Variants in CBX5 observed in about 807,000 individuals in gnomAD.
CBX5 encodes chromobox 5, also known as chromobox protein homolog 5.
A neutral mutation model predicts 20.7 loss-of-function variants in CBX5; 7 were observed. The ratio of observed to expected loss-of-function variants is 0.34; its 90% CI spans 0.19 to 0.63. CBX5 has a LOEUF of 0.63. CBX5 is among the 30% of genes least tolerant of loss of function. CBX5 has a pLI of 0.75. For missense variants in CBX5, 110 were observed against 224.1 expected (o/e 0.49, Z 3.25); for synonymous variants, 78 against 77.0 (o/e 1.01, Z -0.07).
intron 3 of CBX5, among the ~76,000 whole-genome samples, chr12:54,249,918 G>A (rs1363209938): frequency 6.6e-6 from 1 of 152,160 alleles, no homozygotes; most frequent in Non-Finnish European, 1.5e-5. Flanking sequence ...CCACTGAACT[G>A]TACATTTTAA....
intron 1 of CBX5, among the ~76,000 whole-genome samples, chr12:54,260,312 G>A (rs1268400577): frequency 6.6e-6 from 1 of 152,040 alleles, no homozygotes; most frequent in African/African-American, 2.4e-5. Context: ...CCAACGTGGT[G>A]AAACCCCGTC....
At chr12:54,267,191 T>G (rs1043505846) in intron 1 of CBX5, among the ~76,000 whole-genome samples, 1 of 152,234 alleles carries the variant, frequency 6.6e-6, no homozygotes, top group African/African-American at 2.4e-5. Flanking sequence ...TCATCATAAG[T>G]AAATCTTGAG....
intron 1 of CBX5, chr12:54,274,130 T>C (rs1292516187): frequency 6.6e-6 from 1 of 152,218 alleles, no homozygotes; most frequent in African/African-American, 2.4e-5. Flanking sequence ...TGCTAGTTGG[T>C]AGAGCTCCTG....
intron 2 of CBX5, among the ~76,000 whole-genome samples, chr12:54,253,349 C>T (rs955708253): frequency 2.0e-5 from 3 of 151,894 alleles, no homozygotes; most frequent in Non-Finnish European, 4.4e-5. Flanking sequence ...TGGGAGGCTG[C>T]GGTTGTAGTG....
chr12:54,242,732 A>G (rs576506716), intron 4 of CBX5, among the ~76,000 whole-genome samples: 20 of 152,080 alleles, frequency 1.3e-4, no homozygotes, highest in Non-Finnish European at 2.5e-4. Context: ...ACAAATTTCA[A>G]TTATCTCAGT....
chr12:54,251,940 C>A, intron 3 of CBX5, 101 bp downstream of exon 3: 1 of 1,015,648 alleles, frequency 9.8e-7, no homozygotes, highest in Non-Finnish European at 1.4e-6. Context: ...CTTATAGGTC[C>A]ATCCTTACAA....
intron 1 of CBX5, among the ~76,000 whole-genome samples, chr12:54,260,859 G>T (rs1174297561): frequency 1.3e-5 from 2 of 152,110 alleles, no homozygotes; most frequent in African/African-American, 4.8e-5. Context: ...AGAAGTGGCT[G>T]CCATAGGAGA....
chr12:54,248,540 G>A (rs1389261185), intron 3 of CBX5, among the ~76,000 whole-genome samples: 1 of 152,196 alleles, frequency 6.6e-6, no homozygotes, highest in Non-Finnish European at 1.5e-5. Context: ...GTGGATCAAT[G>A]AGAGATACTG....
intron 2 of CBX5, among the ~76,000 whole-genome samples, chr12:54,253,496 T>G (rs1943830192): frequency 6.6e-6 from 1 of 151,868 alleles, no homozygotes; most frequent in Admixed American, 6.6e-5. Context: ...GAGGCTAAGG[T>G]GAGCAGATCA....
chr12:54,274,625 G>C (rs1214647550), intron 1 of CBX5, among the ~76,000 whole-genome samples: 2 of 152,098 alleles, frequency 1.3e-5, no homozygotes, highest in South Asian at 4.1e-4. Flanking sequence ...ATAAGATATG[G>C]AAATCATGCT....
chr12:54,253,786 G>A (rs1411443085), intron 2 of CBX5, among the ~76,000 whole-genome samples: 1 of 147,322 alleles, frequency 6.8e-6, no homozygotes, highest in Non-Finnish European at 1.5e-5. Flanking sequence ...TTTTTGAGAT[G>A]GAGTCTCACT....
Position 54,240,979 on chromosome 12 carries a change from A to G in CBX5, c.*776T>C, listed in dbSNP as rs970494276. The stretch of plus-strand genomic sequence containing the variant: ...CTACCCCATCATCCTCATGTACTAT[A>G]GCTACAAATCTGCACAGTTAATAAT... On this transcript the variant is annotated 3_prime_UTR_variant, in exon 5 of 5. Coordinates refer to ENST00000209875, the MANE Select transcript of CBX5 (RefSeq NM_012117.3). 2.0e-5 allele frequency: 3 copies of G among 152,254 alleles called. No individual in the cohort carries two copies. The highest frequency in any genetic ancestry group is 7.2e-5 in the African/African-American group (3 of 41,458). 9.4% of individuals were successfully genotyped at this position (152,254 alleles called of 1,614,324 possible).
At chr12:54,255,046 T>C (rs1441741725) in intron 2 of CBX5, among the ~76,000 whole-genome samples, 3 of 152,186 alleles carry the variant, frequency 2.0e-5, no homozygotes, top group African/African-American at 7.2e-5. Flanking sequence ...GCCAGTCCTA[T>C]AATGCGATTA....
intron 2 of CBX5, among the ~76,000 whole-genome samples, chr12:54,253,588 C>A (rs117142917): frequency 0.02 from 2,987 of 151,960 alleles, 53 homozygotes; most frequent in Middle Eastern, 0.088. Context: ...ATTACTCAGG[C>A]ATGGTGGCTT....
At chr12:54,250,636 T>C (rs1394865941) in intron 3 of CBX5, among the ~76,000 whole-genome samples, 1 of 145,044 alleles carries the variant, frequency 6.9e-6, no homozygotes, top group East Asian at 2.0e-4. Flanking sequence ...AAACCCCGTC[T>C]CTACTAAAAA....
At chr12:54,253,415 A>G (rs1346475610) in intron 2 of CBX5, among the ~76,000 whole-genome samples, 1 of 150,654 alleles carries the variant, frequency 6.6e-6, no homozygotes, top group Non-Finnish European at 1.5e-5. Flanking sequence ...ACTCTATCTC[A>G]AAAAAAAACA....
chr12:54,277,650 A>T (rs1180853140), intron 1 of CBX5, among the ~76,000 whole-genome samples: 2 of 152,168 alleles, frequency 1.3e-5, no homozygotes, highest in African/African-American at 4.8e-5. Context: ...AGTGGTAAAA[A>T]TTTTAATAAA....
At position 54,264,565 on chromosome 12, in the gene CBX5, G is replaced by A. The variant is rs922861578; in HGVS notation, c.-42-6873C>T. Among the ~76,000 whole-genome samples the A allele has an allele frequency of 5.3e-5, 8 of 152,120 alleles. No individual in the cohort carries two copies. In the East Asian group the frequency reaches 7.7e-4, roughly 15 times the overall value. ...TTCTTATTAAGAATGAAAGCCAGCC[G>A]GGCGCAGTGGCTCATGCCTGTAATC... On this transcript the variant is annotated intron_variant, in intron 1 of 4. Transcript: ENST00000209875.
At chr12:54,276,561 G>A (rs1944070219) in intron 1 of CBX5, 1 of 152,162 alleles carries the variant, frequency 6.6e-6, no homozygotes, top group Admixed American at 6.5e-5. Context: ...ACAAGCAAGG[G>A]ACCATCTGTA....
Sources: gnomAD v4.1 joint callset for allele counts (sites outside exome capture counted in the v4.1 genomes callset) on GRCh38, gnomAD v4.1.1 for gene constraint, MANE v1.5 for transcripts, NCBI Gene and HGNC (gene_info 2026-07-23, HGNC 2026-07-21) for gene names.